ITGA4: variants seen among roughly 807,000 people sequenced by gnomAD.
The protein encoded by ITGA4 is integrin subunit alpha 4, also known as integrin alpha-4.
ITGA4 carries 63 observed loss-of-function variants against 133.6 expected under a neutral mutation model. The observed-to-expected ratio is 0.47, with a 90% CI of 0.38 to 0.58. The LOEUF is 0.58. Among genes scored for constraint, ITGA4 ranks in the 20% least tolerant of loss-of-function variants. The pLI is 0.00. For missense variants in ITGA4, 1,076 were observed against 1,252.7 expected, an observed-to-expected ratio of 0.86 and a Z score of 2.13; for synonymous variants, 483 against 438.0, an observed-to-expected ratio of 1.10 and a Z score of -1.28.
At position 181,486,012 on chromosome 2, in the gene ITGA4, T is replaced by C; in HGVS notation, c.1153+20T>C. ...TTGAAGGTAATTAAAATTATCAAATTGGTACTTGATTTCTGCTTTTAAAAT... is the reference window on the plus strand; with the variant it reads ...TTGAAGGTAATTAAAATTATCAAATCGGTACTTGATTTCTGCTTTTAAAAT... On this transcript the variant is annotated intron_variant, in intron 10 of 27. Transcript: ENST00000397033. The C allele has an allele frequency of 1.3e-6, 2 of 1,569,702 alleles. No homozygotes were observed. Among genetic ancestry groups the C allele is most frequent in the Non-Finnish European group, 1.7e-6 (2 of 1,164,422 alleles).
intron 16 of ITGA4, among the ~76,000 whole-genome samples, chr2:181,510,624 T>A (rs1035437246): frequency 6.6e-6 from 1 of 152,118 alleles, no homozygotes; most frequent in African/African-American, 2.4e-5. Context: ...ATAGTCACTT[T>A]AAGATAATTG....
Position 181,523,619 on chromosome 2 carries a change from TA to T in ITGA4, c.2169+88del. 4.2e-6 allele frequency: 3 copies of T among 719,380 alleles called. No individual in the cohort carries two copies. The highest frequency in any genetic ancestry group is 1.8e-5 in the South Asian group (1 of 55,256). The allele number at this position is 719,380 out of a possible 1,614,324, so 44.6% of individuals were successfully genotyped here. A position where few individuals can be genotyped will look rare whatever the true frequency, so the allele number is the denominator to read the frequency against. On this transcript the variant is annotated intron_variant, in intron 19 of 27. Coordinates refer to ENST00000397033, the MANE Select transcript of ITGA4 (RefSeq NM_000885.6). This position sits in a 1 kb window ranked among gnomAD's most constrained non-coding sequence, Gnocchi z 4.2. ...TATCTTTAGGTTGCATAGAAAATATTATAAATATTTTAGCTTGGGGTAGGTA... is the reference window on the plus strand; with the variant it reads ...TATCTTTAGGTTGCATAGAAAATATTTAAATATTTTAGCTTGGGGTAGGTA...
chr2:181,489,844 A>G (rs991416415), intron 10 of ITGA4, among the ~76,000 whole-genome samples: 1 of 152,192 alleles, frequency 6.6e-6, no homozygotes, highest in Admixed American at 6.5e-5. Flanking sequence ...ATCAAAATGT[A>G]GCAGGACGAG....
intron 15 of ITGA4, among the ~76,000 whole-genome samples, chr2:181,500,593 A>T (rs1686246704): frequency 6.6e-6 from 1 of 152,132 alleles, no homozygotes; most frequent in Non-Finnish European, 1.5e-5. Context: ...GAATGTTAAC[A>T]TATGTATCTA....
rs1281931865 is a variant in ITGA4 at position 181,523,780 on chromosome 2, C to T, written c.2169+248C>T. Among the ~76,000 whole-genome samples, 1 of 152,082 alleles carries T rather than the reference C, an allele frequency of 6.6e-6. No individual in the cohort carries two copies. On this transcript the variant is annotated intron_variant, in intron 19 of 27. Coordinates refer to ENST00000397033, the MANE Select transcript of ITGA4 (RefSeq NM_000885.6). The surrounding 1 kb of genome is among the most constrained non-coding windows in gnomAD (Gnocchi z 4.2). ...TGTGCATGTGTCAATCAGAATTCTG[C>T]TCCCCCTACACACCCTTCCCGAAAA...
At chr2:181,491,772 T>C (rs1686053277) in intron 10 of ITGA4, among the ~76,000 whole-genome samples, 1 of 152,160 alleles carries the variant, frequency 6.6e-6, no homozygotes, top group African/African-American at 2.4e-5. Context: ...CTCCTCCTCT[T>C]TCTCTTCCTT....
At chr2:181,460,352 T>C (rs943271918) in intron 2 of ITGA4, among the ~76,000 whole-genome samples, 2 of 152,234 alleles carry the variant, frequency 1.3e-5, no homozygotes, top group Non-Finnish European at 2.9e-5. Flanking sequence ...TTATTCCTCA[T>C]GTAAAGAAAC....
At chr2:181,464,680 A>G (rs964142533) in intron 2 of ITGA4, among the ~76,000 whole-genome samples, 3 of 152,092 alleles carry the variant, frequency 2.0e-5, no homozygotes, top group Admixed American at 6.6e-5. Flanking sequence ...CATTTGGGCA[A>G]AATCCCCTGG....
chr2:181,487,910 A>G (rs761371134), intron 10 of ITGA4, among the ~76,000 whole-genome samples: 3 of 152,228 alleles, frequency 2.0e-5, no homozygotes, highest in Admixed American at 6.5e-5. Context: ...TTGATTTGTC[A>G]TGTGTGTTGT....
In ITGA4 at chr2:181,504,107, G is replaced by A. The variant is rs535720929; in HGVS notation, c.1695+5330G>A. Among the ~76,000 whole-genome samples, 3 of 152,178 alleles carry A rather than the reference G, an allele frequency of 2.0e-5. No homozygotes were observed. In the South Asian group the frequency reaches 6.2e-4, roughly 32 times the overall value. On this transcript the variant is annotated intron_variant, in intron 15 of 27. Transcript: ENST00000397033. ...ATTGGGATAACAAAAGAAGCAATGA[G>A]ATTTCCTGTTTGTCTGCATTTCCAA...
chr2:181,538,742 T>A lies in ITGA4; in HGVS notation c.*3215T>A, dbSNP rs964368898. 2.0e-5 allele frequency among the ~76,000 whole-genome samples: 3 copies of A among 152,132 alleles called. No homozygotes were observed. The highest frequency in any genetic ancestry group is 4.4e-5 in the Non-Finnish European group (3 of 68,016). ...GATGGAAGGATAAAAATCTAACACT[T>A]TACTATTCAGATGGCTCCACTAAAA... is the stretch of plus-strand genomic sequence containing the variant. On this transcript the variant is annotated 3_prime_UTR_variant, in exon 28 of 28. Coordinates refer to ENST00000397033, the MANE Select transcript of ITGA4 (RefSeq NM_000885.6).
At chr2:181,482,965 A>C (rs765317828) in intron 9 of ITGA4, among the ~76,000 whole-genome samples, 1 of 152,122 alleles carries the variant, frequency 6.6e-6, no homozygotes, top group Non-Finnish European at 1.5e-5. Context: ...TGAAAGAATA[A>C]TTTTCATACC....
At chr2:181,483,546 C>T (rs1419891044) in intron 9 of ITGA4, among the ~76,000 whole-genome samples, 2 of 152,292 alleles carry the variant, frequency 1.3e-5, no homozygotes, top group Middle Eastern at 3.4e-3. Context: ...TTATATTAAG[C>T]ATCAGACTAA....
intron 15 of ITGA4, among the ~76,000 whole-genome samples, chr2:181,506,306 A>G (rs1187929137): frequency 6.6e-6 from 1 of 152,120 alleles, no homozygotes; most frequent in East Asian, 1.9e-4. Flanking sequence ...AATTTGAAGC[A>G]ACATACAAAT....
At chr2:181,471,528 G>A (rs1220005338) in intron 2 of ITGA4, among the ~76,000 whole-genome samples, 3 of 152,164 alleles carry the variant, frequency 2.0e-5, no homozygotes, top group African/African-American at 7.2e-5. Flanking sequence ...CTGATGTTGA[G>A]AGTCATCTTT....
In ITGA4 at chr2:181,498,668, C is replaced by G. The variant is rs987235387; in HGVS notation, c.1586C>G (p.Ser529Cys). 6.2e-7 allele frequency: 1 copy of G among 1,611,838 alleles called. No individual in the cohort carries two copies. The highest frequency in any genetic ancestry group is 1.3e-5 in the African/African-American group (1 of 74,816). Residue 529 changes from serine to cysteine, a missense_variant, in exon 15 of 28, where the codon TCT becomes TGT. Physicochemically the swap from Ser to Cys is moderately radical, Grantham distance 112. This residue lies in a region of ITGA4 where 436 missense variants were observed against 590.7 expected (regional missense o/e 0.74). Coordinates refer to ENST00000397033, the MANE Select transcript of ITGA4 (RefSeq NM_000885.6). ...MSLDVNRKAE[S>C]PPRFYFSSNG... ...TTGGATGTGAACAGAAAGGCAGAGTCTCCACCAAGATTCTATTTCTCTTCT... is the reference window on the plus strand; with the variant it reads ...TTGGATGTGAACAGAAAGGCAGAGTGTCCACCAAGATTCTATTTCTCTTCT...
At chr2:181,500,182 T>C (rs1686239917) in intron 15 of ITGA4, among the ~76,000 whole-genome samples, 1 of 152,178 alleles carries the variant, frequency 6.6e-6, no homozygotes, top group Non-Finnish European at 1.5e-5. Context: ...TTTCCTTCAG[T>C]ATCTTTTTCT....
In ITGA4 at chr2:181,537,708, A is replaced by G. The variant is rs1320392568; in HGVS notation, c.*2181A>G. On this transcript the variant is annotated 3_prime_UTR_variant, in exon 28 of 28. Transcript: ENST00000397033. ...ATATTGATGTATTATGATGGTTGCA[A>G]AGTTTTTTTGTGTGTCCAATAAACA... 16 of 425,232 alleles carry G rather than the reference A, an allele frequency of 3.8e-5. No individual in the cohort carries two copies. The highest frequency in any genetic ancestry group is 3.4e-4 in the Admixed American group (13 of 37,742). The allele number at this position is 425,232 out of a possible 1,614,324, so 26.3% of individuals were successfully genotyped here.
intron 17 of ITGA4, 57 bp from the exon 18 acceptor site, chr2:181,522,132 TAA>T: frequency 1.9e-6 from 2 of 1,069,884 alleles, no homozygotes. Context: ...TGTATGCATA[TAA>T]GAGAGAGGGA....
Sources: allele counts gnomAD v4.1 joint callset (sites outside exome capture counted in the v4.1 genomes callset), GRCh38; gene constraint gnomAD v4.1.1; regional missense constraint gnomAD v4.1.1; non-coding constraint Gnocchi (gnomAD v3.1); transcripts MANE v1.5; gene names NCBI Gene and HGNC (gene_info 2026-07-23, HGNC 2026-07-21).